Variants in ROR1 observed in about 807,000 individuals in gnomAD.
The protein encoded by ROR1 is ROR family WNT receptor 1, also known as inactive tyrosine-protein kinase transmembrane receptor ROR1.
Under a neutral mutation model 78.8 loss-of-function variants are expected in ROR1, and 19 were observed. The ratio of observed to expected loss-of-function variants is 0.24; its 90% CI spans 0.17 to 0.35. The LOEUF (loss-of-function observed/expected upper bound fraction) is 0.35, where lower values mean the gene tolerates loss of function less well. Ranked by LOEUF, ROR1 falls within the 10% of genes least tolerant of loss-of-function variation. The probability of loss-of-function intolerance (pLI) is 1.00; values close to 1 mark genes in which losing one functional copy is unlikely to be tolerated. For missense variants in ROR1, 917 were observed against 1,177.8 expected, an observed-to-expected ratio of 0.78 and a Z score of 3.24; for synonymous variants, 386 against 433.6, an observed-to-expected ratio of 0.89 and a Z score of 1.36.
At chr1:63,821,099 T>TG (rs1271381519) in intron 1 of ROR1, among the ~76,000 whole-genome samples, 1 of 152,154 alleles carries the variant, frequency 6.6e-6, no homozygotes, top group East Asian at 1.9e-4. Context: ...AAGATTATGC[T>TG]GGGGGGAGGA....
At chr1:64,078,840 C>T (rs951738760) in intron 4 of ROR1, among the ~76,000 whole-genome samples, 2 of 152,046 alleles carry the variant, frequency 1.3e-5, no homozygotes, top group African/African-American at 4.8e-5. Flanking sequence ...TGAGAGGTGA[C>T]AGAGTATTAT....
intron 1 of ROR1, among the ~76,000 whole-genome samples, chr1:63,913,050 A>G (rs1425592644): frequency 1.3e-5 from 2 of 152,126 alleles, no homozygotes; most frequent in Non-Finnish European, 2.9e-5. Context: ...CTCTAGGAAA[A>G]AAAAAAGGCT....
intron 1 of ROR1, among the ~76,000 whole-genome samples, chr1:63,870,150 A>G (rs1645242468): frequency 6.6e-6 from 1 of 152,186 alleles, no homozygotes; most frequent in African/African-American, 2.4e-5. Flanking sequence ...TTTTGCACAC[A>G]GTGGAAATCA....
intron 1 of ROR1, among the ~76,000 whole-genome samples, chr1:63,902,996 C>T (rs947115195): frequency 1.1e-4 from 17 of 152,162 alleles, no homozygotes; most frequent in South Asian, 8.3e-4. Context: ...AGCCCTCTTT[C>T]AAAAGCTTGC....
chr1:64,057,464 G>T (rs1646884239), intron 4 of ROR1, among the ~76,000 whole-genome samples: 1 of 152,180 alleles, frequency 6.6e-6, no homozygotes, highest in Non-Finnish European at 1.5e-5. Flanking sequence ...TATATAAAGA[G>T]ATATATTACA....
intron 4 of ROR1, among the ~76,000 whole-genome samples, chr1:64,075,552 C>G (rs565768260): frequency 4.5e-4 from 68 of 152,300 alleles, no homozygotes; most frequent in African/African-American, 1.5e-3. Context: ...ATGAATGCCT[C>G]CAGTCACTGT....
chr1:64,168,730 C>A (rs1000131734), intron 8 of ROR1, among the ~76,000 whole-genome samples: 1 of 152,160 alleles, frequency 6.6e-6, no homozygotes, highest in African/African-American at 2.4e-5. Context: ...CCTGATATTT[C>A]CAAAGCATCT....
chr1:64,086,314 G>T (rs549850023), intron 4 of ROR1, among the ~76,000 whole-genome samples: 1 of 152,188 alleles, frequency 6.6e-6, no homozygotes, highest in Admixed American at 6.5e-5. Flanking sequence ...GTTCAAACCC[G>T]TCTTTATATT....
intron 1 of ROR1, among the ~76,000 whole-genome samples, chr1:63,780,473 G>A (rs1436795462): frequency 6.6e-6 from 1 of 152,146 alleles, no homozygotes. Context: ...AGGATGTTAT[G>A]AACTTATAGC....
chr1:64,124,682 C>T (rs1296729894), intron 4 of ROR1, among the ~76,000 whole-genome samples: 1 of 152,190 alleles, frequency 6.6e-6, no homozygotes, highest in Middle Eastern at 3.2e-3. Flanking sequence ...CAGAGTTGAG[C>T]TCTTGTCATA....
At chr1:63,982,709 CT>C (rs1315471089) in intron 1 of ROR1, among the ~76,000 whole-genome samples, 5 of 152,008 alleles carry the variant, frequency 3.3e-5, no homozygotes, top group Admixed American at 2.0e-4. Context: ...TAGAATATTC[CT>C]AAGAGTAGCT....
At chr1:63,780,908 C>T (rs1262552765) in intron 1 of ROR1, among the ~76,000 whole-genome samples, 1 of 152,182 alleles carries the variant, frequency 6.6e-6, no homozygotes. Context: ...GCTCCAATAT[C>T]CAAATAATCT....
At chr1:63,812,510 C>CTGAA (rs759862034) in intron 1 of ROR1, among the ~76,000 whole-genome samples, 99 of 152,128 alleles carry the variant, frequency 6.5e-4, no homozygotes, top group African/African-American at 1.5e-3. Context: ...TAAGTTTTGA[C>CTGAA]TGAATGAATG....
At chr1:64,143,122 G>C (rs183818045) in intron 7 of ROR1, 2 of 1,005,776 alleles carry the variant, frequency 2.0e-6, no homozygotes, top group South Asian at 4.2e-5. Context: ...TGTGTCCTTC[G>C]TTATGTCTGT....
At chr1:63,877,583 C>T (rs2100368518) in intron 1 of ROR1, among the ~76,000 whole-genome samples, 1 of 152,136 alleles carries the variant, frequency 6.6e-6, no homozygotes, top group Non-Finnish European at 1.5e-5. Context: ...GAAGGTAGCA[C>T]AAGGTTACAG....
chr1:63,779,456 C>T (rs531965963), intron 1 of ROR1, among the ~76,000 whole-genome samples: 20 of 151,282 alleles, frequency 1.3e-4, no homozygotes, highest in East Asian at 7.8e-4. Flanking sequence ...TGGGGTGTGA[C>T]GGGAGAGACT....
intron 2 of ROR1, among the ~76,000 whole-genome samples, chr1:64,019,802 A>C (rs1057337995): frequency 5.3e-5 from 8 of 152,228 alleles, no homozygotes; most frequent in Admixed American, 5.2e-4. Flanking sequence ...TCCTGCCTGC[A>C]AAAGATGTGT....
At chr1:64,169,774 G>T (rs541962862) in intron 8 of ROR1, among the ~76,000 whole-genome samples, 1 of 152,336 alleles carries the variant, frequency 6.6e-6, no homozygotes, top group Admixed American at 6.5e-5. Context: ...CCCAGATACA[G>T]TGGGGGTACA....
At chr1:64,157,587 A>G (rs1179098422) in intron 7 of ROR1, among the ~76,000 whole-genome samples, 2 of 152,202 alleles carry the variant, frequency 1.3e-5, no homozygotes, top group African/African-American at 2.4e-5. Flanking sequence ...CCTGCCAAAC[A>G]GTTCCCAAAC....
Sources: allele counts gnomAD v4.1 joint callset (sites outside exome capture counted in the v4.1 genomes callset), GRCh38; gene constraint gnomAD v4.1.1; transcripts MANE v1.5; gene names NCBI Gene and HGNC (gene_info 2026-07-23, HGNC 2026-07-21).